The following RREB1 variants were observed in gnomAD, a reference collection of about 807,000 sequenced individuals.
The protein encoded by RREB1 is ras responsive element binding protein 1.
Under a neutral mutation model 117.8 loss-of-function variants are expected in RREB1, and 27 were observed. The ratio of observed to expected loss-of-function variants is 0.23; its 90% CI spans 0.17 to 0.32. RREB1 has a LOEUF of 0.32. Ranked by LOEUF, RREB1 falls within the 10% of genes least tolerant of loss-of-function variation. The probability of loss-of-function intolerance (pLI) is 1.00; values close to 1 mark genes in which losing one functional copy is unlikely to be tolerated. For synonymous variants in RREB1, 1,298 were observed against 1,026.7 expected (o/e 1.26, Z -5.05); for missense variants, 2,577 against 2,378.2 (o/e 1.08, Z -1.74).
At chr6:7,163,821 A>G (rs1763790541) in intron 1 of RREB1, among the ~76,000 whole-genome samples, 1 of 152,244 alleles carries the variant, frequency 6.6e-6, no homozygotes, top group Admixed American at 6.5e-5. Context: ...GGACTTTGAA[A>G]AAGTTTCCTC....
chr6:7,109,365 G>C (rs1188563279), intron 1 of RREB1, among the ~76,000 whole-genome samples: 1 of 152,216 alleles, frequency 6.6e-6, no homozygotes, highest in East Asian at 1.9e-4. Flanking sequence ...GAGCAGGGGA[G>C]GTCCTTCCCG....
At chr6:7,233,842 C>T (rs1255018324) in intron 10 of RREB1, among the ~76,000 whole-genome samples, 1 of 152,084 alleles carries the variant, frequency 6.6e-6, no homozygotes, top group Non-Finnish European at 1.5e-5. Flanking sequence ...CATGGAGCCA[C>T]CGCTGGATAC....
At chr6:7,147,713 C>T (rs532204092) in intron 1 of RREB1, among the ~76,000 whole-genome samples, 1 of 152,334 alleles carries the variant, frequency 6.6e-6, no homozygotes, top group Admixed American at 6.5e-5. Context: ...TTCTTATTTA[C>T]TGAAGTCTCT....
In RREB1 at chr6:7,246,981, G is replaced by A. The variant is rs762205962; in HGVS notation, c.4531G>A (p.Ala1511Thr). The A allele has an allele frequency of 6.9e-6, 11 of 1,586,034 alleles. No homozygotes were observed. Among genetic ancestry groups the A allele is most frequent in the Non-Finnish European group, 9.4e-6 (11 of 1,167,090 alleles). ...GACCCCGGCAGAGGTGGTGGAGTCG[G>A]CCCCGGGTGCCGGGGAGGCCCCGGC... ...PETPAEVVES[A>T]PGAGEAPAEK... is the part of the protein sequence containing the mutation. Residue 1511 changes from alanine to threonine, a missense_variant, in exon 12 of 13, where the codon GCC (alanine) becomes ACC (threonine). Physicochemically the swap from Ala to Thr is moderately conservative, Grantham distance 58. Coordinates refer to ENST00000379938, the MANE Select transcript of RREB1 (RefSeq NM_001003699.4).
intron 11 of RREB1, among the ~76,000 whole-genome samples, chr6:7,243,932 G>A (rs1271888028): frequency 6.6e-6 from 1 of 152,100 alleles, no homozygotes. Flanking sequence ...GATATACTGG[G>A]GACAAAGGGG....
At chr6:7,238,833 T>G (rs997214602) in intron 10 of RREB1, among the ~76,000 whole-genome samples, 1 of 152,210 alleles carries the variant, frequency 6.6e-6, no homozygotes, top group Admixed American at 6.5e-5. Flanking sequence ...CTGAGGAGAT[T>G]TGTAAGCATC....
upstream of RREB1, chr6:7,107,876 C>T (rs370591457): frequency 6.5e-6 from 1 of 153,030 alleles, no homozygotes; most frequent in Non-Finnish European, 1.5e-5. Flanking sequence ...CAGCTCCTCG[C>T]CCACCTCCCT....
intron 8 of RREB1, chr6:7,215,567 T>TG (rs1213767811): frequency 6.6e-6 from 1 of 152,198 alleles, no homozygotes; most frequent in Non-Finnish European, 1.5e-5. Flanking sequence ...CTTGAACTCC[T>TG]GGGCTCAAGT....
intron 1 of RREB1, among the ~76,000 whole-genome samples, chr6:7,167,873 T>G (rs1015031137): frequency 2.3e-4 from 35 of 152,278 alleles, no homozygotes; most frequent in South Asian, 2.1e-3. Flanking sequence ...AGGAGGGCAG[T>G]GTTATCAGCT....
At chr6:7,246,281 G>A (rs955310807) in intron 11 of RREB1, 143 bp from the exon 12 acceptor site, 3 of 648,856 alleles carry the variant, frequency 4.6e-6, no homozygotes, top group African/African-American at 1.9e-5. Context: ...GTAACAGGTG[G>A]TGAGGATTTG....
chr6:7,168,959 C>T (rs1395391066), intron 1 of RREB1, among the ~76,000 whole-genome samples: 2 of 152,196 alleles, frequency 1.3e-5, no homozygotes, highest in Non-Finnish European at 2.9e-5. Context: ...ATGTAAAGTG[C>T]CTAGCATATT....
rs1268142853 is a variant in RREB1 at position 7,181,852 on chromosome 6, G to C, written c.-42-18G>C. 2.5e-6 allele frequency: 4 copies of C among 1,568,652 alleles called. No homozygotes were observed. Among genetic ancestry groups the C allele is most frequent in the Middle Eastern group, 1.7e-4 (1 of 6,004 alleles). ...CCTAAACTTCCCCATGATCACATCAGCAATTTCCAATTTTCAGTTTTATAG... is the reference window on the plus strand; with the variant it reads ...CCTAAACTTCCCCATGATCACATCACCAATTTCCAATTTTCAGTTTTATAG... On this transcript the variant is annotated intron_variant, in intron 3 of 12. Coordinates refer to ENST00000379938, the MANE Select transcript of RREB1 (RefSeq NM_001003699.4).
At chr6:7,207,111 T>C (rs2113608526) in intron 6 of RREB1, among the ~76,000 whole-genome samples, 1 of 152,330 alleles carries the variant, frequency 6.6e-6, no homozygotes, top group South Asian at 2.1e-4. Flanking sequence ...CAGCTTAAGA[T>C]ACTAAGACCA....
intron 9 of RREB1, among the ~76,000 whole-genome samples, chr6:7,227,105 G>A (rs1767627180): frequency 6.6e-6 from 1 of 152,158 alleles, no homozygotes. Context: ...GCCAGGCGTG[G>A]TGGTGTGCAC....
chr6:7,186,840 A>G (rs897471512), intron 4 of RREB1, among the ~76,000 whole-genome samples: 9 of 152,146 alleles, frequency 5.9e-5, no homozygotes, highest in South Asian at 4.1e-4. Flanking sequence ...AAGGACAGCA[A>G]TTTTCTCAGT....
rs1226374120 is a variant in RREB1 at position 7,210,859 on chromosome 6, T to C, written c.481T>C (p.Ser161Pro). The C allele has an allele frequency of 1.2e-6, 2 of 1,613,926 alleles. No individual in the cohort carries two copies. ...PNSATATAPP[S>P]PLKRRRLSSK... The stretch of plus-strand genomic sequence containing the variant: ...CAGTGCCACAGCCACAGCCCCTCCA[T>C]CTCCTCTGAAACGTAGGCGATTGTC... Residue 161 changes from serine to proline, a missense_variant, in exon 7 of 13, where the codon TCT becomes CCT. Transcript: ENST00000379938.
At position 7,231,304 on chromosome 6, in the gene RREB1, G is replaced by T. The variant is rs1417280564; in HGVS notation, c.3205G>T (p.Ala1069Ser). The part of the protein sequence containing the change: ...TEELPPLASI[A>S]QIISSVSSAP... ...AGAGCTGCCCCCGCTGGCCTCCATT[G>T]CCCAGATCATCTCATCTGTATCCTC... The change falls in exon 10 of 13, where the codon GCC becomes TCC. Residue 1069 changes from alanine (A) to serine (S), a missense_variant. By Grantham distance (99) the Ala-to-Ser change is moderately conservative. Coordinates refer to ENST00000379938, the MANE Select transcript of RREB1 (RefSeq NM_001003699.4). 4 of 1,607,808 alleles carry T rather than the reference G, an allele frequency of 2.5e-6. No individual in the cohort carries two copies. The highest frequency in any genetic ancestry group is 2.2e-5 in the South Asian group (2 of 90,612).
chr6:7,190,024 T>TA (rs1765319922), intron 6 of RREB1, among the ~76,000 whole-genome samples: 1 of 152,212 alleles, frequency 6.6e-6, no homozygotes, highest in Non-Finnish European at 1.5e-5. Flanking sequence ...TCACATTTGT[T>TA]ACATGTTTAT....
chr6:7,136,105 T>C (rs939171344), intron 1 of RREB1, among the ~76,000 whole-genome samples: 1 of 152,194 alleles, frequency 6.6e-6, no homozygotes, highest in African/African-American at 2.4e-5. Context: ...ATGATGACTT[T>C]TGATGGAACT....
Sources: allele counts gnomAD v4.1 joint callset (sites outside exome capture counted in the v4.1 genomes callset), GRCh38; gene constraint gnomAD v4.1.1; transcripts MANE v1.5; gene names NCBI Gene and HGNC (gene_info 2026-07-23, HGNC 2026-07-21).